The following KIRREL3 variants were observed in gnomAD, a reference collection of about 807,000 sequenced individuals.
KIRREL3 encodes the protein kirre like nephrin family adhesion molecule 3.
KIRREL3 carries 36 observed loss-of-function variants against 89.7 expected under a neutral mutation model. The ratio of observed to expected loss-of-function variants is 0.40; its 90% CI spans 0.31 to 0.53. KIRREL3 has a LOEUF of 0.53. Ranked by LOEUF, KIRREL3 falls within the 20% of genes least tolerant of loss-of-function variation. KIRREL3 has a pLI of 0.49. For missense variants in KIRREL3, 864 were observed against 1,056.6 expected (o/e 0.82, Z 2.53); for synonymous variants, 445 against 441.4 (o/e 1.01, Z -0.10).
rs557276154 is a variant in KIRREL3, at chr11:126,642,044, G to A, written c.56-79132C>T. Among the ~76,000 whole-genome samples the A allele has an allele frequency of 1.3e-4, 20 of 152,348 alleles. 1 individual carries two copies. In the South Asian group the frequency reaches 3.3e-3, roughly 25 times the overall value. ...AAATGTACCGATGTCCTTAGATGCT[G>A]CAGATGGAGCCCAGATCCCAGTGAG... On this transcript the variant is annotated intron_variant, in intron 1 of 16. Coordinates refer to ENST00000525144, the MANE Select transcript of KIRREL3 (RefSeq NM_032531.4). This position sits in a 1 kb window ranked among gnomAD's most constrained non-coding sequence, Gnocchi z 4.9.
At chr11:126,929,405 G>A (rs1947846947) in intron 1 of KIRREL3, among the ~76,000 whole-genome samples, 4 of 152,158 alleles carry the variant, frequency 2.6e-5, no homozygotes, top group Admixed American at 2.0e-4. Flanking sequence ...GACTCAGAGT[G>A]AAGGGGAGAG....
chr11:126,436,839 G>T lies in KIRREL3; in HGVS notation c.1524C>A (p.Asp508Glu). ...GCTCCTTGAGCCGGATGATCTCAGT[G>T]TCGGAGCCGAAGCTGTTCCAGGCCG... ...NCTAWNSFGS[D>E]TEIIRLKEQG... Residue 508 changes from aspartate to glutamate, a missense_variant, in exon 12 of 17, where the codon GAC becomes GAA. Transcript: ENST00000525144. 3 of 1,613,692 alleles carry T rather than the reference G, an allele frequency of 1.9e-6. No individual in the cohort carries two copies. Among genetic ancestry groups the T allele is most frequent in the Non-Finnish European group, 2.5e-6 (3 of 1,179,886 alleles).
chr11:126,973,300 A>G (rs900645936), intron 1 of KIRREL3, among the ~76,000 whole-genome samples: 5 of 152,078 alleles, frequency 3.3e-5, no homozygotes, highest in African/African-American at 7.2e-5. Context: ...GACCCAACCA[A>G]TGTAGACTTA....
Position 126,943,797 on chromosome 11 carries a change from T to C in KIRREL3, c.55+56658A>G, listed in dbSNP as rs1948534132. On this transcript the variant is annotated intron_variant, in intron 1 of 16. Transcript: ENST00000525144. The surrounding 1 kb of genome is among the most constrained non-coding windows in gnomAD (Gnocchi z 4.2). ...CCCCTGAGTTTTAGAGATACCCTAT[T>C]TGAATGAGAGAAAACAAAGTGAGGA... Among the ~76,000 whole-genome samples the C allele has an allele frequency of 6.6e-6, 1 of 152,078 alleles. No homozygotes were observed. Among genetic ancestry groups the C allele is most frequent in the African/African-American group, 2.4e-5 (1 of 41,394 alleles).
At chr11:126,760,857 C>G (rs1192436572) in intron 1 of KIRREL3, among the ~76,000 whole-genome samples, 1 of 152,204 alleles carries the variant, frequency 6.6e-6, no homozygotes, top group Non-Finnish European at 1.5e-5. Flanking sequence ...TTCTGTGAAA[C>G]AGCCGATGTG....
rs1421400255 is a variant in KIRREL3, at chr11:126,890,580, T to A, written c.55+109875A>T. Among the ~76,000 whole-genome samples, 2 of 152,242 alleles carry A rather than the reference T, an allele frequency of 1.3e-5. No homozygotes were observed. The highest frequency in any genetic ancestry group is 2.9e-5 in the Non-Finnish European group (2 of 68,040). On this transcript the variant is annotated intron_variant, in intron 1 of 16. Transcript: ENST00000525144. The surrounding 1 kb of genome is among the most constrained non-coding windows in gnomAD (Gnocchi z 5.1). ...TCCCTGGCTGTGGACAGAAGGCACC[T>A]GGAGGGGTGCTGTGGGAGTCCCGTG...
At chr11:126,882,360 A>T (rs1251640112) in intron 1 of KIRREL3, among the ~76,000 whole-genome samples, 2 of 152,206 alleles carry the variant, frequency 1.3e-5, no homozygotes, top group Non-Finnish European at 2.9e-5. Flanking sequence ...TCCATTGCTG[A>T]ACCTCCTCTT....
At chr11:126,895,208 AC>A (rs1415395241) in intron 1 of KIRREL3, among the ~76,000 whole-genome samples, 1 of 152,016 alleles carries the variant, frequency 6.6e-6, no homozygotes, top group Non-Finnish European at 1.5e-5. Context: ...CACACCTGTA[AC>A]CCCAGCACTT....
Position 126,807,186 on chromosome 11 carries a change from C to T in KIRREL3, c.55+193269G>A, listed in dbSNP as rs1451465886. On this transcript the variant is annotated intron_variant, in intron 1 of 16. Transcript: ENST00000525144. This position sits in a 1 kb window ranked among gnomAD's most constrained non-coding sequence, Gnocchi z 4.3. ...GGGAAGGGAGGTAGGCTGACTGCCCCAGGCCCCACCTCCTGCTAACATTTT... is the reference window on the plus strand; with the variant it reads ...GGGAAGGGAGGTAGGCTGACTGCCCTAGGCCCCACCTCCTGCTAACATTTT... Among the ~76,000 whole-genome samples the T allele has an allele frequency of 2.0e-5, 3 of 152,194 alleles. No homozygotes were observed. The highest frequency in any genetic ancestry group is 7.2e-5 in the African/African-American group (3 of 41,446).
intron 1 of KIRREL3, among the ~76,000 whole-genome samples, chr11:126,738,370 G>A (rs1041607705): frequency 4.6e-5 from 7 of 152,078 alleles, no homozygotes; most frequent in Admixed American, 4.6e-4. Context: ...CCCAGTCACG[G>A]GCTGCAGCTG....
At chr11:126,733,662 A>T (rs1948708067) in intron 1 of KIRREL3, among the ~76,000 whole-genome samples, 1 of 152,150 alleles carries the variant, frequency 6.6e-6, no homozygotes, top group Admixed American at 6.5e-5. Flanking sequence ...CAGGGTTTTG[A>T]TGTGCTGTTT....
At position 126,576,797 on chromosome 11, in the gene KIRREL3, G is replaced by T. The variant is rs1430299108; in HGVS notation, c.56-13885C>A. ...CTTTTTAATCAGCTGAGGAGCAAGGGATTCCTGAGCCACAAATGAGGCTCT... is the reference window on the plus strand; with the variant it reads ...CTTTTTAATCAGCTGAGGAGCAAGGTATTCCTGAGCCACAAATGAGGCTCT... On this transcript the variant is annotated intron_variant, in intron 1 of 16. Coordinates refer to ENST00000525144, the MANE Select transcript of KIRREL3 (RefSeq NM_032531.4). The surrounding 1 kb of genome is among the most constrained non-coding windows in gnomAD (Gnocchi z 5.4). Among the ~76,000 whole-genome samples the T allele has an allele frequency of 6.6e-6, 1 of 152,232 alleles. No homozygotes were observed. The highest frequency in any genetic ancestry group is 1.5e-5 in the Non-Finnish European group (1 of 68,044).
At chr11:126,998,916 A>AGT (rs10561880) in intron 1 of KIRREL3, among the ~76,000 whole-genome samples, 10,119 of 141,146 alleles carry the variant, frequency 0.072, 462 homozygotes, top group East Asian at 0.24. Context: ...GACGAATGGG[A>AGT]GTGTGTGTGT....
rs973884926 is a variant in KIRREL3 at position 126,924,509 on chromosome 11, C to A, written c.55+75946G>T. On this transcript the variant is annotated intron_variant, in intron 1 of 16. Coordinates refer to ENST00000525144, the MANE Select transcript of KIRREL3 (RefSeq NM_032531.4). This position sits in a 1 kb window ranked among gnomAD's most constrained non-coding sequence, Gnocchi z 4.7. Reference sequence around the variant, plus strand: ...AATCCTGTGCCATTATTGTACTTGCCCGTTTGCAACAAGGAACATCTTTGG... The same window carrying A: ...AATCCTGTGCCATTATTGTACTTGCACGTTTGCAACAAGGAACATCTTTGG... 6.6e-6 allele frequency among the ~76,000 whole-genome samples: 1 copy of A among 152,142 alleles called. No individual in the cohort carries two copies. The highest frequency in any genetic ancestry group is 1.5e-5 in the Non-Finnish European group (1 of 68,034).
chr11:126,963,324 C>CAG (rs1297084827), intron 1 of KIRREL3, among the ~76,000 whole-genome samples: 3 of 151,330 alleles, frequency 2.0e-5, no homozygotes, highest in South Asian at 4.2e-4. Context: ...CACACACACA[C>CAG]ACACACACAC....
In KIRREL3 at chr11:126,551,682, G is replaced by A. The variant is rs191004298; in HGVS notation, c.133+11153C>T. On this transcript the variant is annotated intron_variant, in intron 2 of 16. Transcript: ENST00000525144. The surrounding 1 kb of genome is among the most constrained non-coding windows in gnomAD (Gnocchi z 4.9). ...TTTTTTTTTTTTGAGACAGAGTCTC[G>A]CTCTGTTTCTCAGGCTGAGTGCAAT... 1.8e-4 allele frequency among the ~76,000 whole-genome samples: 26 copies of A among 142,844 alleles called. No homozygotes were observed. The East Asian group carries it at 4.0e-3, about 22-fold the overall frequency. The allele number at this position is 142,844 out of a possible 152,430, so 93.7% of individuals were successfully genotyped here. A position where few individuals can be genotyped will look rare whatever the true frequency, so the allele number is the denominator to read the frequency against.
Position 126,492,065 on chromosome 11 carries a change from G to A in KIRREL3, c.434-18599C>T, listed in dbSNP as rs1957533337. Among the ~76,000 whole-genome samples the A allele has an allele frequency of 6.6e-6, 1 of 152,160 alleles. No individual in the cohort carries two copies. The highest frequency in any genetic ancestry group is 1.5e-5 in the Non-Finnish European group (1 of 68,030). ...TTTTATTGTCTCACTTCCCTTCAGT[G>A]AGCCAAAGGGCCCCATCCTTGCTTA... On this transcript the variant is annotated intron_variant, in intron 4 of 16. Transcript: ENST00000525144. The surrounding 1 kb of genome is among the most constrained non-coding windows in gnomAD (Gnocchi z 4.8).
At chr11:126,863,576 CGT>C (rs1944809368) in intron 1 of KIRREL3, among the ~76,000 whole-genome samples, 1 of 103,932 alleles carries the variant, frequency 9.6e-6, no homozygotes, top group Non-Finnish European at 1.9e-5. Context: ...TGTTTGACTG[CGT>C]GTGAGTGTGT....
Position 126,750,274 on chromosome 11 carries a change from T to C in KIRREL3, c.56-187362A>G, listed in dbSNP as rs1949290997. On this transcript the variant is annotated intron_variant, in intron 1 of 16. Transcript: ENST00000525144. The surrounding 1 kb of genome is among the most constrained non-coding windows in gnomAD (Gnocchi z 4.2). ...GGACTTCTACTATGGTACTTCCTTC[T>C]CCGTAGCCACCCCATTGAACACATT... Among the ~76,000 whole-genome samples, 5 of 152,296 alleles carry C rather than the reference T, an allele frequency of 3.3e-5. No individual in the cohort carries two copies. The South Asian group carries it at 1.0e-3, about 32-fold the overall frequency.
Sources: allele counts gnomAD v4.1 joint callset (sites outside exome capture counted in the v4.1 genomes callset), GRCh38; gene constraint gnomAD v4.1.1; non-coding constraint Gnocchi (gnomAD v3.1); transcripts MANE v1.5; gene names NCBI Gene and HGNC (gene_info 2026-07-23, HGNC 2026-07-21).